Variants in ME3 observed in about 807,000 individuals in gnomAD.
ME3 encodes the protein NADP-dependent malic enzyme, mitochondrial.
Under a neutral mutation model 68.9 loss-of-function variants are expected in ME3, and 48 were observed. The observed-to-expected ratio is 0.70, with a 90% CI of 0.55 to 0.89. The LOEUF is 0.89. ME3 is among the 40% of genes least tolerant of loss of function. ME3 has a pLI of 0.00. For synonymous variants in ME3, 320 were observed against 318.8 expected, an observed-to-expected ratio of 1.00 and a Z score of -0.04; for missense variants, 675 against 797.4, an observed-to-expected ratio of 0.85 and a Z score of 1.85.
chr11:86,441,329 G>A (rs918135754), exon 15 of ME3: 2 of 1,613,048 alleles, frequency 1.2e-6, no homozygotes, highest in Non-Finnish European at 1.7e-6. Flanking sequence ...TAGCTGTCCA[G>A]TGTAAAGGAG....
chr11:86,448,331 C>CT (rs1156319755), intron 10 of ME3, 76 bp from the exon 11 acceptor site: 47 of 1,113,404 alleles, frequency 4.2e-5, no homozygotes, highest in Non-Finnish European at 5.8e-5. Flanking sequence ...TTTGGAAACT[C>CT]TGAGAGCGTT....
rs141808931 is a variant in ME3 at position 86,544,820 on chromosome 11, C to T, written c.467+11733G>A. 5.5e-3 allele frequency among the ~76,000 whole-genome samples: 834 copies of T among 152,278 alleles called. 2 individuals are homozygous for T. The highest frequency in any genetic ancestry group is 7.8e-3 in the Non-Finnish European group (529 of 68,026). ...CTAACTCATTTTATGAGGCCAGCGT[C>T]ATCCTGATACCAAAACCTGGCAAAG... On this transcript the variant is annotated intron_variant, in intron 4 of 14. Transcript: ENST00000543262.
intron 6 of ME3, among the ~76,000 whole-genome samples, chr11:86,488,003 C>A (rs563251534): frequency 6.6e-6 from 1 of 152,232 alleles, no homozygotes; most frequent in South Asian, 2.1e-4. Flanking sequence ...CCCAGTGAGA[C>A]CCCATCTCTA....
chr11:86,595,300 T>TAGAG lies in ME3; in HGVS notation c.184-35478_184-35477insCTCT, dbSNP rs1410417325. ...ACATATATATACATATACATATATATATATATAGAGAGAGAGAGAGAGAGA... is the reference window on the plus strand; with the variant it reads ...ACATATATATACATATACATATATATAGAGATATATAGAGAGAGAGAGAGAGAGA... On this transcript the variant is annotated intron_variant, in intron 2 of 14. Coordinates refer to ENST00000543262, the Ensembl canonical transcript of ME3. Among the ~76,000 whole-genome samples the TAGAG allele has an allele frequency of 1.2e-4, 7 of 57,484 alleles. 1 individual carries two copies. Among genetic ancestry groups the TAGAG allele is most frequent in the Admixed American group, 6.8e-4 (3 of 4,384 alleles). The allele number at this position is 57,484 out of a possible 152,430, so 37.7% of individuals were successfully genotyped here.
intron 2 of ME3, among the ~76,000 whole-genome samples, chr11:86,566,634 A>G (rs1432255338): frequency 1.3e-5 from 2 of 152,122 alleles, no homozygotes; most frequent in Non-Finnish European, 2.9e-5. Context: ...AGATTTTACA[A>G]CCTTCCCTTT....
intron 2 of ME3, among the ~76,000 whole-genome samples, chr11:86,602,709 G>A (rs539162665): frequency 1.6e-3 from 241 of 152,166 alleles, no homozygotes; most frequent in Middle Eastern, 0.01. Context: ...AAACTATACT[G>A]CAAGGCTACA....
chr11:86,580,558 T>C (rs1288894971), intron 2 of ME3, among the ~76,000 whole-genome samples: 1 of 152,200 alleles, frequency 6.6e-6, no homozygotes, highest in Non-Finnish European at 1.5e-5. Flanking sequence ...CTTAAATTAA[T>C]AAAGATATTA....
At chr11:86,643,133 G>T (rs1208007056) in intron 2 of ME3, among the ~76,000 whole-genome samples, 1 of 152,090 alleles carries the variant, frequency 6.6e-6, no homozygotes, top group Non-Finnish European at 1.5e-5. Context: ...GTCATACAAG[G>T]TCCTCATTTC....
chr11:86,631,736 T>C (rs1944030055), intron 2 of ME3, among the ~76,000 whole-genome samples: 1 of 152,096 alleles, frequency 6.6e-6, no homozygotes. Context: ...GTTCTGATAG[T>C]TATAAATTAT....
intron 8 of ME3, among the ~76,000 whole-genome samples, chr11:86,456,055 A>G (rs1471375588): frequency 2.0e-5 from 3 of 152,166 alleles, no homozygotes; most frequent in Non-Finnish European, 2.9e-5. Context: ...CTCCGCCCAT[A>G]AAACTCTCTT....
chr11:86,656,919 T>C (rs1215377630), intron 2 of ME3, among the ~76,000 whole-genome samples: 1 of 150,498 alleles, frequency 6.6e-6, no homozygotes, highest in African/African-American at 2.4e-5. Flanking sequence ...TACAATGAGG[T>C]ATCATCCCAT....
chr11:86,535,317 A>T (rs1207280485), intron 4 of ME3, among the ~76,000 whole-genome samples: 1 of 152,174 alleles, frequency 6.6e-6, no homozygotes, highest in Admixed American at 6.5e-5. Context: ...TATGTCGTCC[A>T]CTTGGCTGCA....
intron 2 of ME3, among the ~76,000 whole-genome samples, chr11:86,652,847 C>T (rs1374891904): frequency 6.6e-6 from 1 of 151,722 alleles, no homozygotes; most frequent in Non-Finnish European, 1.5e-5. Context: ...ATTCAGGAAA[C>T]CCATCTCACG....
intron 2 of ME3, among the ~76,000 whole-genome samples, chr11:86,614,001 C>G (rs1942781405): frequency 6.6e-6 from 1 of 152,152 alleles, no homozygotes; most frequent in South Asian, 2.1e-4. Context: ...AACAGAGAGC[C>G]TGTATAGTCA....
chr11:86,490,932 C>T (rs1036639525), intron 6 of ME3, among the ~76,000 whole-genome samples: 16 of 152,142 alleles, frequency 1.1e-4, no homozygotes, highest in Admixed American at 5.2e-4. Context: ...AAAAATTTCT[C>T]AGTATACTGC....
Position 86,672,305 on chromosome 11 carries a change from C to T in ME3, c.-15+19G>A. 1 of 216,920 alleles carries T rather than the reference C, an allele frequency of 4.6e-6. No individual in the cohort carries two copies. Among genetic ancestry groups the T allele is most frequent in the Non-Finnish European group, 9.0e-6 (1 of 111,272 alleles). 13.4% of individuals were successfully genotyped at this position (216,920 alleles called of 1,614,324 possible). ...TCCCGCGTGGTGGCTTGCCTCGGTC[C>T]TCTCCTTCCCTGGCCCACCTGCGCT... On this transcript the variant is annotated intron_variant, in intron 1 of 14. Transcript: ENST00000543262.
intron 2 of ME3, among the ~76,000 whole-genome samples, chr11:86,625,468 C>G (rs1943604519): frequency 6.6e-6 from 1 of 152,150 alleles, no homozygotes; most frequent in Non-Finnish European, 1.5e-5. Context: ...ACTCGCCTGC[C>G]AGCTCATGAC....
chr11:86,529,324 G>A (rs1382212026), intron 4 of ME3, among the ~76,000 whole-genome samples: 3 of 152,154 alleles, frequency 2.0e-5, no homozygotes, highest in African/African-American at 7.2e-5. Flanking sequence ...TTGAATCTCT[G>A]AATGGACCAA....
At chr11:86,486,461 C>G (rs902692562) in intron 7 of ME3, among the ~76,000 whole-genome samples, 1 of 152,234 alleles carries the variant, frequency 6.6e-6, no homozygotes, top group Non-Finnish European at 1.5e-5. Context: ...GAAGCCCACC[C>G]AGATGAGACT....
Sources: allele counts gnomAD v4.1 joint callset (sites outside exome capture counted in the v4.1 genomes callset), GRCh38; gene constraint gnomAD v4.1.1; transcripts MANE v1.5; gene names NCBI Gene and HGNC (gene_info 2026-07-23, HGNC 2026-07-21).